MYRF: variants seen among roughly 807,000 people sequenced by gnomAD.
MYRF encodes myelin gene regulatory factor.
MYRF carries 16 observed loss-of-function variants against 126.3 expected under a neutral mutation model. That is an observed-to-expected ratio of 0.13 (90% CI 0.09 to 0.19). MYRF has a LOEUF of 0.19. Among genes scored for constraint, MYRF ranks in the 10% least tolerant of loss-of-function variants. The pLI is 1.00. For missense variants in MYRF, 1,104 were observed against 1,547.0 expected, an observed-to-expected ratio of 0.71 and a Z score of 4.80; for synonymous variants, 608 against 635.3, an observed-to-expected ratio of 0.96 and a Z score of 0.65.
rs1310326234 is a variant in MYRF, at chr11:61,766,018, G to A, written c.195G>A (p.Ala65=). 5.0e-6 allele frequency: 8 copies of A among 1,587,306 alleles called. No individual in the cohort carries two copies. In the East Asian group the frequency reaches 6.8e-5, roughly 14 times the overall value. ...SSASYSHGQP[A]MPGSSGVHHL... Reference sequence around the variant, plus strand: ...CCTCCTACTCCCACGGGCAGCCTGCGATGCCTGGCTCCAGCGGGGTCCACC... The same window carrying A: ...CCTCCTACTCCCACGGGCAGCCTGCAATGCCTGGCTCCAGCGGGGTCCACC... Residue 65 remains alanine, a synonymous_variant, in exon 3 of 27, where the codon GCG becomes GCA. Transcript: ENST00000278836.
In MYRF at chr11:61,777,383, G is replaced by A. The variant is rs374109253; in HGVS notation, c.1710G>A (p.Ala570=). 2.5e-5 allele frequency: 40 copies of A among 1,613,942 alleles called. No individual in the cohort carries two copies. The Middle Eastern group carries it at 1.8e-3, about 73-fold the overall frequency. Residue 570 remains alanine (A), a synonymous_variant, in exon 12 of 27, where the codon GCG becomes GCA. Coordinates refer to ENST00000278836, the MANE Select transcript of MYRF (RefSeq NM_001127392.3). This position sits in a 1 kb window ranked among gnomAD's most constrained non-coding sequence, Gnocchi z 8.8. ...VGINTDRPDE[A]LVVHGNVKVM... is the part of the protein sequence containing the mutation. ...TCAACACAGACCGGCCGGATGAGGC[G>A]CTGGTTGTGCACGGGAATGTCAAGG...
chr11:61,778,341 C>T lies in MYRF; in HGVS notation c.1904-39C>T, dbSNP rs2135848526. On this transcript the variant is annotated intron_variant, in intron 13 of 26. Transcript: ENST00000278836. This position sits in a 1 kb window ranked among gnomAD's most constrained non-coding sequence, Gnocchi z 4.6. Reference sequence around the variant, plus strand: ...TACAAAGCTGTGAGTAGCCCTTTACCACCCCCCCACCCATCTTTGGCTTGT... The same window carrying T: ...TACAAAGCTGTGAGTAGCCCTTTACTACCCCCCCACCCATCTTTGGCTTGT... 2 of 1,373,318 alleles carry T rather than the reference C, an allele frequency of 1.5e-6. No homozygotes were observed. Among genetic ancestry groups the T allele is most frequent in the East Asian group, 2.3e-5 (1 of 43,746 alleles). The allele number at this position is 1,373,318 out of a possible 1,614,324, so 85.1% of individuals were successfully genotyped here. A position where few individuals can be genotyped will look rare whatever the true frequency, so the allele number is the denominator to read the frequency against.
At position 61,784,447 on chromosome 11, in the gene MYRF, T is replaced by G. The variant is rs1175165367; in HGVS notation, c.3300+62T>G. 66 of 1,417,546 alleles carry G rather than the reference T, an allele frequency of 4.7e-5. No individual in the cohort carries two copies. In the South Asian group the frequency reaches 6.7e-4, roughly 14 times the overall value. The allele number at this position is 1,417,546 out of a possible 1,614,324, so 87.8% of individuals were successfully genotyped here. A position where few individuals can be genotyped will look rare whatever the true frequency, so the allele number is the denominator to read the frequency against. ...CGAGCTGCTTCTCTCCTGGCACAAC[T>G]GGGCCCCAAAATGGGCAAGGAGCAG... is the stretch of plus-strand genomic sequence containing the variant. On this transcript the variant is annotated intron_variant, in intron 25 of 26. Coordinates refer to ENST00000278836, the MANE Select transcript of MYRF (RefSeq NM_001127392.3).
At chr11:61,762,216 A>AG (rs1386102797) in intron 1 of MYRF, among the ~76,000 whole-genome samples, 5 of 151,182 alleles carry the variant, frequency 3.3e-5, no homozygotes, top group African/African-American at 1.2e-4. Context: ...GAGGCAGGGG[A>AG]CCTGGGGAAG....
intron 3 of MYRF, chr11:61,767,447 C>T (rs1472062049): frequency 2.2e-6 from 1 of 456,452 alleles, no homozygotes; most frequent in South Asian, 1.5e-5. Context: ...GGGAAAGGGG[C>T]TTGTCCAGAG....
intron 7 of MYRF, among the ~76,000 whole-genome samples, chr11:61,772,340 G>T (rs1174936565): frequency 6.6e-6 from 1 of 152,156 alleles, no homozygotes. Context: ...GGGAGGATCC[G>T]GTCAGAGGCT....
Position 61,780,228 on chromosome 11 carries a change from G to A in MYRF, c.2343G>A (p.Val781=). The A allele has an allele frequency of 3.7e-6, 6 of 1,614,094 alleles. No homozygotes were observed. In the South Asian group the frequency reaches 5.5e-5, roughly 15 times the overall value. The part of the protein sequence containing the change: ...ALVVVMAFSV[V]SMSTLYVLSL... ...CCCTTTTCTGTGGCTCCAGCGTGGT[G>A]TCCATGTCCACACTGTACGTGCTGA... Residue 781 remains valine, a synonymous_variant, in exon 18 of 27, where the codon GTG becomes GTA. Transcript: ENST00000278836.
Position 61,786,181 on chromosome 11 carries a change from G to A in MYRF, c.*38G>A. 1 of 1,599,198 alleles carries A rather than the reference G, an allele frequency of 6.3e-7. No homozygotes were observed. The highest frequency in any genetic ancestry group is 8.6e-7 in the Non-Finnish European group (1 of 1,166,834). On this transcript the variant is annotated 3_prime_UTR_variant, in exon 27 of 27. Transcript: ENST00000278836. The surrounding 1 kb of genome is among the most constrained non-coding windows in gnomAD (Gnocchi z 4.5). The stretch of plus-strand genomic sequence containing the variant: ...AGGCAGCACCACACCAGGGACCAGG[G>A]GTGCCCAGGCACCCCCCAACACTGG...
At chr11:61,766,910 C>G (rs1177991732) in intron 3 of MYRF, 1 of 420,076 alleles carries the variant, frequency 2.4e-6, no homozygotes. Flanking sequence ...GGTGGAAGAG[C>G]ATTAAAACAC....
At chr11:61,779,975 GAGCTGCCCAGTGGAGTC>G (rs2135862327) in intron 17 of MYRF, 45 bp downstream of exon 17, 2 of 1,539,144 alleles carry the variant, frequency 1.3e-6, no homozygotes, top group South Asian at 2.3e-5. Context: ...TAGGGGAGTG[GAGCTGCCCAGTGGAGTC>G]AGCTGCCCAT....
chr11:61,785,725 C>T (rs1223790324), intron 25 of MYRF, 75 bp from the exon 26 acceptor site: 18 of 1,270,128 alleles, frequency 1.4e-5, no homozygotes, highest in Admixed American at 8.7e-5. Flanking sequence ...CCCAGGACTG[C>T]GACGGCCGTG....
rs1779762743 is a variant in MYRF at position 61,780,801 on chromosome 11, T to C, written c.2486+9T>C. ...GAGGCCTTGTGCCCATGGTACGTGC[T>C]GACCAGCGCCCCTCTCCTCTGGCTC... On this transcript the variant is annotated intron_variant, in intron 19 of 26. Transcript: ENST00000278836. 6.5e-7 allele frequency: 1 copy of C among 1,545,752 alleles called. No individual in the cohort carries two copies. The highest frequency in any genetic ancestry group is 8.7e-7 in the Non-Finnish European group (1 of 1,148,730).
chr11:61,771,993 C>CA (rs1236031724), intron 7 of MYRF, 41 bp downstream of exon 7: 2 of 1,609,236 alleles, frequency 1.2e-6, no homozygotes, highest in African/African-American at 1.3e-5. Context: ...CAGGCCCCCC[C>CA]ACCTTGGGAC....
Position 61,778,539 on chromosome 11 carries a change from G to T in MYRF, c.2013+50G>T, listed in dbSNP as rs764646250. On this transcript the variant is annotated intron_variant, in intron 14 of 26. Coordinates refer to ENST00000278836, the MANE Select transcript of MYRF (RefSeq NM_001127392.3). The surrounding 1 kb of genome is among the most constrained non-coding windows in gnomAD (Gnocchi z 4.6). Reference sequence around the variant, plus strand: ...GAGCCCAGAGGCAAGTGGGGAGCCAGCTGGGGAACACTCATCACCTCCATA... The same window carrying T: ...GAGCCCAGAGGCAAGTGGGGAGCCATCTGGGGAACACTCATCACCTCCATA... The T allele has an allele frequency of 7.5e-7, 1 of 1,330,622 alleles. No individual in the cohort carries two copies. The highest frequency in any genetic ancestry group is 1.1e-6 in the Non-Finnish European group (1 of 922,254). The allele number at this position is 1,330,622 out of a possible 1,614,324, so 82.4% of individuals were successfully genotyped here.
rs1394804979 is a variant in MYRF, at chr11:61,777,876, C to T, written c.1903+31C>T. On this transcript the variant is annotated intron_variant, in intron 13 of 26. Coordinates refer to ENST00000278836, the MANE Select transcript of MYRF (RefSeq NM_001127392.3). This position sits in a 1 kb window ranked among gnomAD's most constrained non-coding sequence, Gnocchi z 8.8. ...GACCGGGCTGGTGCGGACTGGGGTC[C>T]GGAAACCCAGAAACCTCGGGCCTCA... 1.3e-6 allele frequency: 2 copies of T among 1,531,862 alleles called. No homozygotes were observed. The highest frequency in any genetic ancestry group is 2.5e-5 in the East Asian group (1 of 40,808). The allele number at this position is 1,531,862 out of a possible 1,614,324, so 94.9% of individuals were successfully genotyped here.
At chr11:61,764,495 A>C (rs1170284601) in intron 1 of MYRF, among the ~76,000 whole-genome samples, 1 of 152,182 alleles carries the variant, frequency 6.6e-6, no homozygotes, top group Non-Finnish European at 1.5e-5. Flanking sequence ...TGGCTGAGCC[A>C]GGATTTGTTC....
rs1267553831 is a variant in MYRF at position 61,783,800 on chromosome 11, TG to T, written c.3120-45del. On this transcript the variant is annotated intron_variant, in intron 23 of 26. Coordinates refer to ENST00000278836, the MANE Select transcript of MYRF (RefSeq NM_001127392.3). This position sits in a 1 kb window ranked among gnomAD's most constrained non-coding sequence, Gnocchi z 4.6. ...GGGGCTGAGGAGTCCCTGGTGGGGG[TG>T]GGGGGTGGCAGGGTACCCTCAGGCT... is the stretch of plus-strand genomic sequence containing the variant. 12 of 1,522,984 alleles carry T rather than the reference TG, an allele frequency of 7.9e-6. No individual in the cohort carries two copies. The highest frequency in any genetic ancestry group is 8.9e-6 in the Non-Finnish European group (10 of 1,121,224). The allele number at this position is 1,522,984 out of a possible 1,614,324, so 94.3% of individuals were successfully genotyped here. A position where few individuals can be genotyped will look rare whatever the true frequency, so the allele number is the denominator to read the frequency against.
chr11:61,764,333 C>T (rs2065991201), intron 1 of MYRF, among the ~76,000 whole-genome samples: 1 of 152,210 alleles, frequency 6.6e-6, no homozygotes, highest in Non-Finnish European at 1.5e-5. Flanking sequence ...CGATGAGCAC[C>T]CACTAAAGTG....
intron 4 of MYRF, 55 bp from the exon 5 acceptor site, chr11:61,770,191 C>T: frequency 2.7e-6 from 4 of 1,508,438 alleles, no homozygotes; most frequent in Non-Finnish European, 3.6e-6. Flanking sequence ...AGGACAGTGC[C>T]CAGGAGCCTG....
Sources: allele counts gnomAD v4.1 joint callset (sites outside exome capture counted in the v4.1 genomes callset), GRCh38; gene constraint gnomAD v4.1.1; non-coding constraint Gnocchi (gnomAD v3.1); transcripts MANE v1.5; gene names NCBI Gene and HGNC (gene_info 2026-07-23, HGNC 2026-07-21).